The following CMTM5 variants were observed in gnomAD, a reference collection of about 807,000 sequenced individuals.
CMTM5 encodes the protein CKLF-like MARVEL transmembrane domain-containing protein 5.
CMTM5 carries 25 observed loss-of-function variants against 26.9 expected under a neutral mutation model. The ratio of observed to expected loss-of-function variants is 0.93; its 90% CI spans 0.68 to 1.30. The LOEUF is 1.30. Ranked by LOEUF, CMTM5 falls within the 50% of genes most tolerant of loss-of-function variation. CMTM5 has a pLI of 0.00. For synonymous variants in CMTM5, 98 were observed against 115.5 expected, an observed-to-expected ratio of 0.85 and a Z score of 0.97; for missense variants, 292 against 289.6, an observed-to-expected ratio of 1.01 and a Z score of -0.06.
upstream of CMTM5, chr14:23,376,921 C>G: frequency 3.2e-6 from 1 of 314,532 alleles, no homozygotes; most frequent in Non-Finnish European, 5.9e-6. Flanking sequence ...CGGACCTCCT[C>G]CTCTCCCCTT....
rs1475388888 is a variant in CMTM5 at position 23,377,180 on chromosome 14, C to T, written c.-72C>T. ...GCCTTCTTGCTCCTGTCTGTTTCCCCATCCTGCCAGATTTCTGTTTCTCTT... is the reference window on the plus strand; with the variant it reads ...GCCTTCTTGCTCCTGTCTGTTTCCCTATCCTGCCAGATTTCTGTTTCTCTT... On this transcript the variant is annotated 5_prime_UTR_variant, in exon 1 of 6. Coordinates refer to ENST00000339180, the MANE Select transcript of CMTM5 (RefSeq NM_001288746.2). The surrounding 1 kb of genome is among the most constrained non-coding windows in gnomAD (Gnocchi z 4.6). 6.3e-7 allele frequency: 1 copy of T among 1,580,512 alleles called. No individual in the cohort carries two copies. Among genetic ancestry groups the T allele is most frequent in the Non-Finnish European group, 8.6e-7 (1 of 1,164,696 alleles).
At chr14:23,377,019 G>C (rs575861066), upstream of CMTM5, 28 of 551,690 alleles carry the variant, frequency 5.1e-5, 1 homozygote, top group African/African-American at 4.3e-4. This position sits in a 1 kb window ranked among gnomAD's most constrained non-coding sequence, Gnocchi z 4.6. Context: ...GGGTCTCTAG[G>C]GGGCTGGTGC....
chr14:23,379,575 C>G lies in CMTM5; in HGVS notation c.*88C>G. 6.3e-7 allele frequency: 1 copy of G among 1,583,624 alleles called. No individual in the cohort carries two copies. Among genetic ancestry groups the G allele is most frequent in the Non-Finnish European group, 8.5e-7 (1 of 1,170,538 alleles). ...CTCCTTGGGATTCACTAGCCCCCAGCCCGCCAAACCCCACCCCAGCCCTAC... is the reference window on the plus strand; with the variant it reads ...CTCCTTGGGATTCACTAGCCCCCAGGCCGCCAAACCCCACCCCAGCCCTAC... On this transcript the variant is annotated 3_prime_UTR_variant, in exon 6 of 6. Transcript: ENST00000339180.
rs374724870 is a variant in CMTM5 at position 23,378,875 on chromosome 14, C to T, written c.480+6C>T. Reference sequence around the variant, plus strand: ...TCCACTCCCTGGGTAGCAGTGTGAGCGCTCTGTCTCTTGAATGTGCTTCAT... The same window carrying T: ...TCCACTCCCTGGGTAGCAGTGTGAGTGCTCTGTCTCTTGAATGTGCTTCAT... On this transcript the variant is annotated splice_donor_region_variant and intron_variant, in intron 3 of 5. Coordinates refer to ENST00000339180, the MANE Select transcript of CMTM5 (RefSeq NM_001288746.2). The surrounding 1 kb of genome is among the most constrained non-coding windows in gnomAD (Gnocchi z 4.2). 44 of 1,612,786 alleles carry T rather than the reference C, an allele frequency of 2.7e-5. No homozygotes were observed. Among genetic ancestry groups the T allele is most frequent in the Middle Eastern group, 1.6e-4 (1 of 6,084 alleles).
In CMTM5 at chr14:23,379,473, G is replaced by A; in HGVS notation, c.659-1G>A. 6.2e-7 allele frequency: 1 copy of A among 1,613,974 alleles called. No homozygotes were observed. The highest frequency in any genetic ancestry group is 2.2e-5 in the East Asian group (1 of 44,872). On this transcript the variant is annotated splice_acceptor_variant, in intron 5 of 5. Transcript: ENST00000339180. LOFTEE classifies it high-confidence loss of function. Reference sequence around the variant, plus strand: ...GTCCCTACCTGGCTCTATCCTCACAGGGGACCAGCAGTGACTCTGGGGCTA... The same window carrying A: ...GTCCCTACCTGGCTCTATCCTCACAAGGGACCAGCAGTGACTCTGGGGCTA...
At position 23,377,357 on chromosome 14, in the gene CMTM5, A is replaced by C; in HGVS notation, c.106A>C (p.Ile36Leu). The C allele has an allele frequency of 6.3e-7, 1 of 1,595,864 alleles. No homozygotes were observed. Among genetic ancestry groups the C allele is most frequent in the Non-Finnish European group, 8.6e-7 (1 of 1,168,742 alleles). The part of the protein sequence containing the change: ...DKAFLTSHKG[I>L]LLETELALTL... ...GGCCTTCCTCACCTCCCACAAGGGC[A>C]TCCTGCTGGAAACCGAGCTGGTAAC... The change falls in exon 1 of 6, where the codon ATC becomes CTC. Residue 36 changes from isoleucine (I) to leucine (L), a missense_variant. Transcript: ENST00000339180. This position sits in a 1 kb window ranked among gnomAD's most constrained non-coding sequence, Gnocchi z 4.6.
chr14:23,379,236 C>T, intron 4 of CMTM5, 63 bp from the exon 5 acceptor site: 1 of 1,608,336 alleles, frequency 6.2e-7, no homozygotes, highest in South Asian at 1.1e-5. Context: ...TGCACCTCAC[C>T]CTATACCTTA....
rs1302700934 is a variant in CMTM5 at position 23,378,512 on chromosome 14, C to T, written c.279+11C>T. 1.2e-6 allele frequency: 2 copies of T among 1,613,998 alleles called. No individual in the cohort carries two copies. The highest frequency in any genetic ancestry group is 2.2e-5 in the South Asian group (2 of 91,088). ...AACTGGCCCTGTCTGGTGAGGAACC[C>T]TGACCCCTAGCCCAGTTTGGGGCCC... is the stretch of plus-strand genomic sequence containing the variant. On this transcript the variant is annotated intron_variant, in intron 2 of 5. Transcript: ENST00000339180. The surrounding 1 kb of genome is among the most constrained non-coding windows in gnomAD (Gnocchi z 4.2).
At position 23,378,761 on chromosome 14, in the gene CMTM5, C is replaced by T. The variant is rs548223896; in HGVS notation, c.372C>T (p.Thr124=). 8 of 1,612,228 alleles carry T rather than the reference C, an allele frequency of 5.0e-6. No individual in the cohort carries two copies. The highest frequency in any genetic ancestry group is 3.3e-5 in the South Asian group (3 of 91,062). The change falls in exon 3 of 6, where the codon ACC becomes ACT. Residue 124 remains threonine (T), a synonymous_variant. Coordinates refer to ENST00000339180, the MANE Select transcript of CMTM5 (RefSeq NM_001288746.2). This position sits in a 1 kb window ranked among gnomAD's most constrained non-coding sequence, Gnocchi z 4.2. Reference sequence around the variant, plus strand: ...AGCCCCAGCCCTGGCCTGGCTTGACCCCCCCGGGCTGGCATACTCCAGCCG... The same window carrying T: ...AGCCCCAGCCCTGGCCTGGCTTGACTCCCCCGGGCTGGCATACTCCAGCCG... ...KVQPQPWPGL[T]PPGWHTPAAV...
chr14:23,379,407 A>G, intron 5 of CMTM5, 24 bp downstream of exon 5: 1 of 1,613,934 alleles, frequency 6.2e-7, no homozygotes, highest in South Asian at 1.1e-5. Context: ...CTCTGTGGAG[A>G]GGAGATGCCC....
Position 23,379,719 on chromosome 14 carries a change from A to T in CMTM5, c.*232A>T. On this transcript the variant is annotated 3_prime_UTR_variant, in exon 6 of 6. Transcript: ENST00000339180. ...GAACTTATTGGGGGAGGGGGGGTGG[A>T]GGGGAGGAATCTGGACCTCTAAGTC... 68 of 615,870 alleles carry T rather than the reference A, an allele frequency of 1.1e-4. No individual in the cohort carries two copies. Among genetic ancestry groups the T allele is most frequent in the Non-Finnish European group, 1.5e-4 (60 of 396,204 alleles). 38.2% of individuals were successfully genotyped at this position (615,870 alleles called of 1,614,324 possible).
chr14:23,378,539 T>C lies in CMTM5; in HGVS notation c.279+38T>C. The stretch of plus-strand genomic sequence containing the variant: ...GACCCCTAGCCCAGTTTGGGGCCCT[T>C]CCCTCTCCTCTAAATGATGCATTTT... On this transcript the variant is annotated intron_variant, in intron 2 of 5. Coordinates refer to ENST00000339180, the MANE Select transcript of CMTM5 (RefSeq NM_001288746.2). The surrounding 1 kb of genome is among the most constrained non-coding windows in gnomAD (Gnocchi z 4.2). 6.2e-7 allele frequency: 1 copy of C among 1,613,214 alleles called. No individual in the cohort carries two copies. The highest frequency in any genetic ancestry group is 1.3e-5 in the African/African-American group (1 of 74,990).
Position 23,379,102 on chromosome 14 carries a change from C to T in CMTM5, c.552C>T (p.Asp184=), listed in dbSNP as rs723840. ...VVSFAAVTSR[D]GAAIAAFVFG... ...CCTTTGCAGCTGTGACCTCCCGGGA[C>T]GGAGCTGCCATTGCTGCTTTTGTGA... The change falls in exon 4 of 6, where the codon GAC becomes GAT. Residue 184 remains aspartate, a synonymous_variant. Coordinates refer to ENST00000339180, the MANE Select transcript of CMTM5 (RefSeq NM_001288746.2). 0.47 allele frequency: 755,644 copies of T among 1,613,394 alleles called. 183,776 individuals carry two copies. Among genetic ancestry groups the T allele is most frequent in the African/African-American group, 0.79 (59,141 of 74,908 alleles).
rs773318864 is a variant in CMTM5, at chr14:23,377,230, T to C, written c.-22T>C. 3.1e-6 allele frequency: 5 copies of C among 1,609,382 alleles called. No homozygotes were observed. Among genetic ancestry groups the C allele is most frequent in the South Asian group, 1.1e-5 (1 of 90,904 alleles). ...TGCTGGGCTTTTGGCAGTAGGGGGCTGTGTTGGTGGGCCCTACGAAGATGC... is the reference window on the plus strand; with the variant it reads ...TGCTGGGCTTTTGGCAGTAGGGGGCCGTGTTGGTGGGCCCTACGAAGATGC... On this transcript the variant is annotated 5_prime_UTR_variant, in exon 1 of 6. Transcript: ENST00000339180. This position sits in a 1 kb window ranked among gnomAD's most constrained non-coding sequence, Gnocchi z 4.6.
rs1449536010 is a variant in CMTM5 at position 23,378,722 on chromosome 14, C to T, written c.333C>T (p.His111=). ...GGPHPLDLLS[H]SAKVQPQPWP... is the part of the protein sequence containing the mutation. ...CACATCCGCTAGATCTACTCTCCCA[C>T]TCAGCAAAGGTCCAGCCCCAGCCCT... The change falls in exon 3 of 6, where the codon CAC becomes CAT. Residue 111 remains histidine, a synonymous_variant. Coordinates refer to ENST00000339180, the MANE Select transcript of CMTM5 (RefSeq NM_001288746.2). This position sits in a 1 kb window ranked among gnomAD's most constrained non-coding sequence, Gnocchi z 4.2. The T allele has an allele frequency of 4.5e-5, 72 of 1,612,608 alleles. No homozygotes were observed. Among genetic ancestry groups the T allele is most frequent in the Non-Finnish European group, 6.1e-5 (72 of 1,179,864 alleles).
Position 23,377,444 on chromosome 14 carries a change from C to T in CMTM5, c.126+67C>T. The T allele has an allele frequency of 6.7e-7, 1 of 1,484,668 alleles. No homozygotes were observed. The highest frequency in any genetic ancestry group is 8.9e-7 in the Non-Finnish European group (1 of 1,118,990). 92.0% of individuals were successfully genotyped at this position (1,484,668 alleles called of 1,614,324 possible). On this transcript the variant is annotated intron_variant, in intron 1 of 5. Coordinates refer to ENST00000339180, the MANE Select transcript of CMTM5 (RefSeq NM_001288746.2). This position sits in a 1 kb window ranked among gnomAD's most constrained non-coding sequence, Gnocchi z 4.6. ...CCCCGGCTCCTGGCCAGCCTTATGC[C>T]AGCCCCCAGCTCACCCTTCAGTAGC...
chr14:23,378,294 C>A lies in CMTM5; in HGVS notation c.127-55C>A, dbSNP rs532114771. 1.3e-6 allele frequency: 2 copies of A among 1,599,430 alleles called. No individual in the cohort carries two copies. The highest frequency in any genetic ancestry group is 4.5e-5 in the East Asian group (2 of 44,832). ...GCTTCCAAGGAGGGGAAGGCAAAGCCCTGGCCCCTGCCTGTGTCCCCTTCT... is the reference window on the plus strand; with the variant it reads ...GCTTCCAAGGAGGGGAAGGCAAAGCACTGGCCCCTGCCTGTGTCCCCTTCT... On this transcript the variant is annotated intron_variant, in intron 1 of 5. Transcript: ENST00000339180. The surrounding 1 kb of genome is among the most constrained non-coding windows in gnomAD (Gnocchi z 4.2).
Position 23,379,544 on chromosome 14 carries a change from A to T in CMTM5, c.*57A>T. On this transcript the variant is annotated 3_prime_UTR_variant, in exon 6 of 6. Coordinates refer to ENST00000339180, the MANE Select transcript of CMTM5 (RefSeq NM_001288746.2). ...AGCCAGAGAGGACAGTGGAGCCCAG[A>T]CACGTCTCCTTGGGATTCACTAGCC... 1 of 1,609,788 alleles carries T rather than the reference A, an allele frequency of 6.2e-7. No individual in the cohort carries two copies. The highest frequency in any genetic ancestry group is 8.5e-7 in the Non-Finnish European group (1 of 1,179,816).
Position 23,377,385 on chromosome 14 carries a change from C to T in CMTM5, c.126+8C>T. ...CTGCTGGAAACCGAGCTGGTAACAG[C>T]TGCCTCCCAACCTGGTGCCTCCATC... On this transcript the variant is annotated splice_region_variant and intron_variant, in intron 1 of 5. Transcript: ENST00000339180. The surrounding 1 kb of genome is among the most constrained non-coding windows in gnomAD (Gnocchi z 4.6). The T allele has an allele frequency of 1.3e-6, 2 of 1,568,812 alleles. No individual in the cohort carries two copies. Among genetic ancestry groups the T allele is most frequent in the Non-Finnish European group, 1.7e-6 (2 of 1,155,302 alleles).
Sources: allele counts gnomAD v4.1 joint callset, GRCh38; gene constraint gnomAD v4.1.1; non-coding constraint Gnocchi (gnomAD v3.1); transcripts MANE v1.5; gene names NCBI Gene and HGNC (gene_info 2026-07-23, HGNC 2026-07-21).